Variants in EBF1 observed in about 807,000 individuals in gnomAD.
EBF1 encodes EBF transcription factor 1.
A neutral mutation model predicts 68.4 loss-of-function variants in EBF1; 10 were observed. The observed-to-expected ratio is 0.15, with a 90% CI of 0.09 to 0.25. The LOEUF (loss-of-function observed/expected upper bound fraction) is 0.25. Ranked by LOEUF, EBF1 falls within the 10% of genes least tolerant of loss-of-function variation. The probability of loss-of-function intolerance (pLI) is 1.00; values close to 1 mark genes in which losing one functional copy is unlikely to be tolerated. For synonymous variants in EBF1, 298 were observed against 299.8 expected, an observed-to-expected ratio of 0.99 and a Z score of 0.06; for missense variants, 509 against 794.4, an observed-to-expected ratio of 0.64 and a Z score of 4.32.
intron 6 of EBF1, among the ~76,000 whole-genome samples, chr5:158,972,066 T>C (rs1378082075): frequency 6.6e-6 from 1 of 152,220 alleles, no homozygotes; most frequent in Non-Finnish European, 1.5e-5. Flanking sequence ...CACTGGGTTC[T>C]CTAGAGAATG....
At position 158,860,892 on chromosome 5, in the gene EBF1, C is replaced by A. The variant is rs182980701; in HGVS notation, c.555-20782G>T. Among the ~76,000 whole-genome samples the A allele has an allele frequency of 8.5e-5, 13 of 152,300 alleles. No homozygotes were observed. The East Asian group carries it at 1.4e-3, about 16-fold the overall frequency. On this transcript the variant is annotated intron_variant, in intron 6 of 15. Transcript: ENST00000313708. ...ACAAGGGTGAGCGTGGGCCTCTAAC[C>A]ATCAGCTGTTTCACCATGTCAGTAT...
At chr5:158,899,081 A>G (rs1209205050) in intron 6 of EBF1, among the ~76,000 whole-genome samples, 2 of 152,256 alleles carry the variant, frequency 1.3e-5, no homozygotes, top group Non-Finnish European at 2.9e-5. Context: ...TAAGTTATTC[A>G]ATAATGTATC....
chr5:158,743,131 A>G (rs1766789056), intron 10 of EBF1, among the ~76,000 whole-genome samples: 1 of 152,240 alleles, frequency 6.6e-6, no homozygotes, highest in African/African-American at 2.4e-5. Flanking sequence ...CTACCCAAAA[A>G]TATACAAAAC....
intron 15 of EBF1, among the ~76,000 whole-genome samples, chr5:158,704,302 G>A (rs1333619188): frequency 6.6e-6 from 1 of 152,224 alleles, no homozygotes; most frequent in Admixed American, 6.5e-5. Context: ...AACCGGAGGA[G>A]ACTAAGGGAG....
intron 6 of EBF1, among the ~76,000 whole-genome samples, chr5:158,896,739 A>G (rs984300331): frequency 1.3e-5 from 2 of 152,188 alleles, no homozygotes; most frequent in Non-Finnish European, 2.9e-5. Flanking sequence ...ACTCCATTAA[A>G]ATTGTCTCTG....
chr5:158,751,452 G>A (rs1272734287), intron 10 of EBF1, among the ~76,000 whole-genome samples: 1 of 151,996 alleles, frequency 6.6e-6, no homozygotes, highest in Non-Finnish European at 1.5e-5. Flanking sequence ...AATCCTACCA[G>A]ATGTGTCCAA....
intron 6 of EBF1, among the ~76,000 whole-genome samples, chr5:159,072,260 T>C (rs1407259387): frequency 6.6e-6 from 1 of 152,208 alleles, no homozygotes; most frequent in Non-Finnish European, 1.5e-5. Flanking sequence ...TGGCAATCAA[T>C]TGGGTTTATG....
intron 6 of EBF1, among the ~76,000 whole-genome samples, chr5:159,046,234 G>T (rs1026903277): frequency 6.6e-6 from 1 of 152,166 alleles, no homozygotes; most frequent in African/African-American, 2.4e-5. Context: ...GTTTGCATAT[G>T]ACTATGCCTC....
rs1234686100 is a variant in EBF1, at chr5:158,712,247, T to C, written c.1456A>G (p.Thr486Ala). The C allele has an allele frequency of 1.9e-6, 3 of 1,614,002 alleles. No individual in the cohort carries two copies. Among genetic ancestry groups the C allele is most frequent in the Admixed American group, 1.7e-5 (1 of 60,010 alleles). ...GCAGAGCCGTATCCGTTCATGCTCG[T>C]GGTGACGGAGTTATAGTTGGTCTGC... is the stretch of plus-strand genomic sequence containing the variant. ...PQQTNYNSVT[T>A]SMNGYGSAAM... is the part of the protein sequence containing the mutation. The change falls in exon 14 of 16, where the codon ACG becomes GCG. Residue 486 changes from threonine to alanine, a missense_variant. Coordinates refer to ENST00000313708, the MANE Select transcript of EBF1 (RefSeq NM_024007.5).
At chr5:159,043,242 T>A (rs1391923015) in intron 6 of EBF1, among the ~76,000 whole-genome samples, 2 of 152,194 alleles carry the variant, frequency 1.3e-5, no homozygotes, top group Non-Finnish European at 2.9e-5. Context: ...CTCCAGCATG[T>A]ATGTTTGGAC....
intron 13 of EBF1, 34 bp from the exon 14 acceptor site, chr5:158,712,367 G>A (rs763035984): frequency 2.1e-5 from 33 of 1,608,086 alleles, no homozygotes; most frequent in East Asian, 4.5e-5. Context: ...AGGTGAGGGT[G>A]GCATTCAGAT....
Position 158,784,708 on chromosome 5 carries a change from T to C in EBF1, c.910-7169A>G, listed in dbSNP as rs146441319. Among the ~76,000 whole-genome samples, 347 of 151,894 alleles carry C rather than the reference T, an allele frequency of 2.3e-3. 1 individual carries two copies. The highest frequency in any genetic ancestry group is 7.5e-3 in the African/African-American group (311 of 41,420). On this transcript the variant is annotated intron_variant, in intron 9 of 15. Coordinates refer to ENST00000313708, the MANE Select transcript of EBF1 (RefSeq NM_024007.5). ...AACACTTAAAAGTAAAGAAAAAAAG[T>C]CCAAAACAAGCAAAGACTCAAAGAG...
At chr5:158,895,937 CAAAG>C in intron 6 of EBF1, among the ~76,000 whole-genome samples, 1 of 151,992 alleles carries the variant, frequency 6.6e-6, no homozygotes, top group East Asian at 1.9e-4. Context: ...TGATTCAGCA[CAAAG>C]AGAGAGGCAA....
At chr5:158,953,142 A>G (rs541625337) in intron 6 of EBF1, among the ~76,000 whole-genome samples, 8 of 152,210 alleles carry the variant, frequency 5.3e-5, no homozygotes, top group Non-Finnish European at 8.8e-5. Context: ...GGATCAGTTG[A>G]CTTATCCATC....
chr5:158,901,113 A>C (rs1285780450), intron 6 of EBF1, among the ~76,000 whole-genome samples: 1 of 152,234 alleles, frequency 6.6e-6, no homozygotes, highest in Non-Finnish European at 1.5e-5. Flanking sequence ...GCCAGAGTTA[A>C]AATCATCTTC....
chr5:158,902,799 C>T (rs1054156268), intron 6 of EBF1, among the ~76,000 whole-genome samples: 3 of 151,902 alleles, frequency 2.0e-5, no homozygotes, highest in Admixed American at 2.0e-4. Context: ...AGCATGGTGG[C>T]CAAGGACACA....
At chr5:159,067,968 G>C (rs1478876215) in intron 6 of EBF1, among the ~76,000 whole-genome samples, 1 of 152,100 alleles carries the variant, frequency 6.6e-6, no homozygotes, top group East Asian at 1.9e-4. Flanking sequence ...TTACAAATCA[G>C]GTGGTATAAA....
At chr5:158,865,563 C>T (rs1047157915) in intron 6 of EBF1, among the ~76,000 whole-genome samples, 53 of 152,252 alleles carry the variant, frequency 3.5e-4, no homozygotes, top group African/African-American at 1.1e-3. Context: ...AATGGGATCA[C>T]AATCATTTCC....
intron 9 of EBF1, among the ~76,000 whole-genome samples, chr5:158,779,428 G>GT (rs1775960567): frequency 6.6e-6 from 1 of 152,034 alleles, no homozygotes; most frequent in Non-Finnish European, 1.5e-5. Context: ...AACAAACTCA[G>GT]TTTTTTTCTG....
Sources: gnomAD v4.1 joint callset for allele counts (sites outside exome capture counted in the v4.1 genomes callset) on GRCh38, gnomAD v4.1.1 for gene constraint, MANE v1.5 for transcripts, NCBI Gene and HGNC (gene_info 2026-07-23, HGNC 2026-07-21) for gene names.